Variants in RSBN1L observed in about 807,000 individuals in gnomAD.
RSBN1L encodes lysine-specific demethylase RSBN1L.
RSBN1L carries 30 observed loss-of-function variants against 67.7 expected under a neutral mutation model. The observed-to-expected ratio is 0.44, with a 90% CI of 0.33 to 0.60. RSBN1L has a LOEUF of 0.60. Among genes scored for constraint, RSBN1L ranks in the 20% least tolerant of loss-of-function variants. The pLI is 0.02. For missense variants in RSBN1L, 992 were observed against 1,031.7 expected, an observed-to-expected ratio of 0.96 and a Z score of 0.53; for synonymous variants, 433 against 387.0, an observed-to-expected ratio of 1.12 and a Z score of -1.39.
chr7:77,722,895 TTGA>T (rs1409695012), intron 1 of RSBN1L, among the ~76,000 whole-genome samples: 1 of 152,014 alleles, frequency 6.6e-6, no homozygotes, highest in East Asian at 1.9e-4. Context: ...TGAAGCTTGT[TTGA>T]TGTTTGTGCA....
chr7:77,726,849 C>T (rs956397629), intron 1 of RSBN1L, among the ~76,000 whole-genome samples: 9 of 138,814 alleles, frequency 6.5e-5, no homozygotes, highest in East Asian at 4.4e-4. Flanking sequence ...GGTGCGATCT[C>T]GGCTCACTGC....
rs547902787 is a variant in RSBN1L, at chr7:77,736,565, A to G, written c.703+39A>G. 9 of 1,154,286 alleles carry G rather than the reference A, an allele frequency of 7.8e-6. No individual in the cohort carries two copies. In the East Asian group the frequency reaches 2.4e-4, roughly 30 times the overall value. The allele number at this position is 1,154,286 out of a possible 1,614,324, so 71.5% of individuals were successfully genotyped here. A position where few individuals can be genotyped will look rare whatever the true frequency, so the allele number is the denominator to read the frequency against. On this transcript the variant is annotated intron_variant, in intron 2 of 7. Transcript: ENST00000334955. The stretch of plus-strand genomic sequence containing the variant: ...AGTGATTTTAGTTCTACTTTATTAT[A>G]CTGTTCAGTATCTTTATTGGCTAAG...
rs1562790065 is a variant in RSBN1L at position 77,696,550 on chromosome 7, C to G, written c.81C>G (p.Gly27=). 1.2e-6 allele frequency: 2 copies of G among 1,614,104 alleles called. No individual in the cohort carries two copies. Among genetic ancestry groups the G allele is most frequent in the Non-Finnish European group, 1.7e-6 (2 of 1,180,010 alleles). The stretch of plus-strand genomic sequence containing the variant: ...CCGTCTCGGAGAAAGAACCGTTTGG[C>G]AAGCTGCAACTCTCCTCCCGGGACC... ...TATVSEKEPF[G]KLQLSSRDPP... is the part of the protein sequence containing the mutation. Residue 27 remains glycine, a synonymous_variant, in exon 1 of 8, where the codon GGC becomes GGG. Transcript: ENST00000334955.
At chr7:77,727,959 A>G (rs969883841) in intron 1 of RSBN1L, among the ~76,000 whole-genome samples, 20 of 151,976 alleles carry the variant, frequency 1.3e-4, no homozygotes, top group African/African-American at 4.3e-4. Flanking sequence ...TTATGTATCC[A>G]TTGCTTCATT....
chr7:77,701,947 C>T (rs1034608096), intron 1 of RSBN1L, among the ~76,000 whole-genome samples: 1 of 151,970 alleles, frequency 6.6e-6, no homozygotes, highest in South Asian at 2.1e-4. Context: ...GCCACCGTGG[C>T]TGGCCTTGAC....
At chr7:77,716,906 C>CAGGCATG (rs752878044) in intron 1 of RSBN1L, among the ~76,000 whole-genome samples, 12 of 151,476 alleles carry the variant, frequency 7.9e-5, no homozygotes, top group African/African-American at 2.7e-4. Flanking sequence ...GCTGAAATTA[C>CAGGCATG]AGGCATGAGG....
chr7:77,740,985 CTTTTTTTTTTT>C (rs869081974), intron 2 of RSBN1L, among the ~76,000 whole-genome samples: 13 of 102,942 alleles, frequency 1.3e-4, no homozygotes, highest in Admixed American at 8.6e-4. Context: ...CTTTTCTTTT[CTTTTTTTTTTT>C]TTTTTTTTGA....
chr7:77,710,682 G>A (rs1790960586), intron 1 of RSBN1L, among the ~76,000 whole-genome samples: 1 of 151,998 alleles, frequency 6.6e-6, no homozygotes, highest in Non-Finnish European at 1.5e-5. Context: ...CGTAAACTCT[G>A]CCTCCTGGAT....
Position 77,768,960 on chromosome 7 carries a change from A to T in RSBN1L, c.1625+157A>T, listed in dbSNP as rs376443488. Among the ~76,000 whole-genome samples, 114 of 152,364 alleles carry T rather than the reference A, an allele frequency of 7.5e-4. 1 individual carries two copies. The highest frequency in any genetic ancestry group is 2.5e-3 in the African/African-American group (105 of 41,596). ...ATACATGCTAATACAATTTGTTATAAAACCTAAAATGTAAATAAAGCATGA... is the reference window on the plus strand; with the variant it reads ...ATACATGCTAATACAATTTGTTATATAACCTAAAATGTAAATAAAGCATGA... On this transcript the variant is annotated intron_variant, in intron 5 of 7. Coordinates refer to ENST00000334955, the MANE Select transcript of RSBN1L (RefSeq NM_198467.3).
At chr7:77,752,343 G>A (rs1791566084) in intron 3 of RSBN1L, among the ~76,000 whole-genome samples, 1 of 152,156 alleles carries the variant, frequency 6.6e-6, no homozygotes, top group Non-Finnish European at 1.5e-5. Flanking sequence ...TGCTTCTTTA[G>A]CTTTAGACTT....
At chr7:77,774,004 C>G (rs1016175083) in intron 6 of RSBN1L, among the ~76,000 whole-genome samples, 4 of 152,072 alleles carry the variant, frequency 2.6e-5, no homozygotes, top group African/African-American at 9.7e-5. Flanking sequence ...ATTTTTTTTA[C>G]AGTCATATAG....
rs554279604 is a variant in RSBN1L, at chr7:77,712,436, A to G, written c.586+15381A>G. ...GCTGGAATTATAGACACGTGCCATC[A>G]TGACTGGCTAATTTTTGTATATTTG... On this transcript the variant is annotated intron_variant, in intron 1 of 7. Transcript: ENST00000334955. 3.9e-5 allele frequency among the ~76,000 whole-genome samples: 6 copies of G among 152,138 alleles called. No homozygotes were observed. In the East Asian group the frequency reaches 9.7e-4, roughly 25 times the overall value.
chr7:77,722,037 T>G (rs1791126652), intron 1 of RSBN1L, among the ~76,000 whole-genome samples: 1 of 152,180 alleles, frequency 6.6e-6, no homozygotes. Context: ...TCAAGTGATT[T>G]AGTGTTAGGG....
At chr7:77,742,666 C>T (rs1011499068) in intron 2 of RSBN1L, among the ~76,000 whole-genome samples, 4 of 152,018 alleles carry the variant, frequency 2.6e-5, no homozygotes, top group Non-Finnish European at 5.9e-5. Flanking sequence ...GGTGAAACCC[C>T]GATTCCACTA....
intron 1 of RSBN1L, among the ~76,000 whole-genome samples, chr7:77,707,548 A>G (rs1790911854): frequency 1.3e-5 from 2 of 152,190 alleles, no homozygotes; most frequent in Admixed American, 1.3e-4. Context: ...ACTCAGAGCC[A>G]CTTTCACTGG....
chr7:77,734,066 C>T (rs941757703), intron 1 of RSBN1L, among the ~76,000 whole-genome samples: 2 of 152,138 alleles, frequency 1.3e-5, no homozygotes, highest in African/African-American at 4.8e-5. Flanking sequence ...GTGGAGGTTG[C>T]AGGAAGCTGA....
In RSBN1L at chr7:77,696,905, G is replaced by C. The variant is rs1235242349; in HGVS notation, c.436G>C (p.Ala146Pro). ...TCAGCCTCACCATCTCCTCCTGCCC[G>C]CCGCCGCCGCCGCTGCCTCGGCTAA... ...HAQPHHLLLP[A>P]AAAAASANAK... Residue 146 changes from alanine to proline, a missense_variant, in exon 1 of 8, where the codon GCC becomes CCC. By Grantham distance (27) the Ala-to-Pro change is conservative (BLOSUM62 -1). This residue lies in a region of RSBN1L where 575 missense variants were observed against 483.2 expected (regional missense o/e 1.19). Coordinates refer to ENST00000334955, the MANE Select transcript of RSBN1L (RefSeq NM_198467.3). 6.3e-7 allele frequency: 1 copy of C among 1,586,150 alleles called. No individual in the cohort carries two copies.
rs1300633524 is a variant in RSBN1L at position 77,749,590 on chromosome 7, A to G, written c.870A>G (p.Gln290=). Residue 290 remains glutamine (Q), a synonymous_variant, in exon 3 of 8, where the codon CAA becomes CAG. Coordinates refer to ENST00000334955, the MANE Select transcript of RSBN1L (RefSeq NM_198467.3). ...CSGLLTDVED[Q]AAKGILNDNI... ...GATTGCTAACTGATGTTGAAGATCA[A>G]GCAGCCAAAGGCATCCTAAATGATA... 5.0e-6 allele frequency: 8 copies of G among 1,613,864 alleles called. No homozygotes were observed. Among genetic ancestry groups the G allele is most frequent in the Admixed American group, 1.7e-5 (1 of 59,944 alleles).
chr7:77,765,291 C>G (rs908428306), intron 3 of RSBN1L, among the ~76,000 whole-genome samples: 1 of 152,090 alleles, frequency 6.6e-6, no homozygotes, highest in Non-Finnish European at 1.5e-5. Flanking sequence ...TGATTTAGTG[C>G]AAGTTTTATT....
Sources: gnomAD v4.1 joint callset for allele counts (sites outside exome capture counted in the v4.1 genomes callset) on GRCh38, gnomAD v4.1.1 for gene constraint, gnomAD v4.1.1 regional missense constraint, MANE v1.5 for transcripts, NCBI Gene and HGNC (gene_info 2026-07-23, HGNC 2026-07-21) for gene names.